Variants in SCAPER observed in about 807,000 individuals in gnomAD.
SCAPER encodes S phase cyclin A-associated protein in the endoplasmic reticulum.
SCAPER carries 98 observed loss-of-function variants against 182.2 expected under a neutral mutation model. The observed-to-expected ratio is 0.54, with a 90% CI of 0.46 to 0.64. The LOEUF is 0.64. Ranked by LOEUF, SCAPER falls within the 30% of genes least tolerant of loss-of-function variation. The pLI is 0.00. For synonymous variants in SCAPER, 605 were observed against 564.6 expected (o/e 1.07, Z -1.01); for missense variants, 1,432 against 1,690.0 (o/e 0.85, Z 2.68).
chr15:76,758,107 G>A lies in SCAPER; in HGVS notation c.1726-4159C>T, dbSNP rs190329003. On this transcript the variant is annotated intron_variant, in intron 14 of 31. Transcript: ENST00000563290. ...GGTTTTTAATTTGATATAATTCCAC[G>A]TGTCTAATTTTGCTTTTGTTGACTG... Among the ~76,000 whole-genome samples the A allele has an allele frequency of 3.5e-3, 527 of 151,250 alleles. 5 individuals are homozygous for A. The highest frequency in any genetic ancestry group is 0.012 in the African/African-American group (484 of 41,196).
intron 4 of SCAPER, chr15:76,855,914 T>C (rs1023526576): frequency 9.9e-6 from 4 of 405,952 alleles, no homozygotes; most frequent in African/African-American, 6.1e-5. Context: ...GCAATCCCAT[T>C]ACTGGGTATA....
chr15:76,659,856 C>A lies in SCAPER; in HGVS notation c.2645+5797G>T, dbSNP rs2055983217. 1.3e-5 allele frequency among the ~76,000 whole-genome samples: 2 copies of A among 152,110 alleles called. 1 individual carries two copies. The highest frequency in any genetic ancestry group is 4.1e-4 in the South Asian group (2 of 4,832). ...CAGTCTGTAGATTTCTCAAAGAACACAGAACAACCATTTGACCCAGCAATT... is the reference window on the plus strand; with the variant it reads ...CAGTCTGTAGATTTCTCAAAGAACAAAGAACAACCATTTGACCCAGCAATT... On this transcript the variant is annotated intron_variant, in intron 21 of 31. Transcript: ENST00000563290.
chr15:76,683,871 A>G, intron 20 of SCAPER, among the ~76,000 whole-genome samples: 1 of 152,166 alleles, frequency 6.6e-6, no homozygotes, highest in Non-Finnish European at 1.5e-5. Context: ...AGGCTGAGGC[A>G]GGAGGACTGA....
rs546763177 is a variant in SCAPER at position 76,577,595 on chromosome 15, G to A, written c.2712-3311C>T. ...TGGATGGTATTTTTAGACATATCCTGGGCAAAAAGGGAATGGGCTACCTTA... is the reference window on the plus strand; with the variant it reads ...TGGATGGTATTTTTAGACATATCCTAGGCAAAAAGGGAATGGGCTACCTTA... On this transcript the variant is annotated intron_variant, in intron 22 of 31. Transcript: ENST00000563290. 7.5e-4 allele frequency among the ~76,000 whole-genome samples: 114 copies of A among 152,162 alleles called. 1 individual carries two copies. Among genetic ancestry groups the A allele is most frequent in the African/African-American group, 2.6e-3 (110 of 41,532 alleles).
intron 5 of SCAPER, among the ~76,000 whole-genome samples, chr15:76,819,819 G>A (rs2067380907): frequency 6.6e-6 from 1 of 152,034 alleles, no homozygotes; most frequent in Non-Finnish European, 1.5e-5. Flanking sequence ...TACAAAATGG[G>A]AGAAAATTTT....
At chr15:76,508,485 C>T (rs893513570) in intron 23 of SCAPER, among the ~76,000 whole-genome samples, 1 of 152,142 alleles carries the variant, frequency 6.6e-6, no homozygotes, top group South Asian at 2.1e-4. Flanking sequence ...TATGGCCAAA[C>T]AGCTTTCTAA....
In SCAPER at chr15:76,651,113, A is replaced by T. The variant is rs78307275; in HGVS notation, c.2645+14540T>A. Among the ~76,000 whole-genome samples the T allele has an allele frequency of 2.0e-3, 297 of 152,248 alleles. 3 individuals are homozygous for T. The highest frequency in any genetic ancestry group is 6.5e-3 in the African/African-American group (270 of 41,566). On this transcript the variant is annotated intron_variant, in intron 21 of 31. Coordinates refer to ENST00000563290, the MANE Select transcript of SCAPER (RefSeq NM_020843.4). ...GGCCACCTTAAGAAATCAGGGGAAA[A>T]GAAAATATAAATATGAAGTAAATAC...
chr15:76,738,869 C>T (rs62028724), intron 15 of SCAPER, among the ~76,000 whole-genome samples: 11,592 of 152,016 alleles, frequency 0.076, 498 homozygotes, highest in Middle Eastern at 0.11. Flanking sequence ...GAAGTGAGCA[C>T]GTGTTGTTGG....
At chr15:76,430,509 T>C (rs994630994) in intron 26 of SCAPER, among the ~76,000 whole-genome samples, 1 of 152,218 alleles carries the variant, frequency 6.6e-6, no homozygotes, top group Admixed American at 6.5e-5. Context: ...GTGACCTGGA[T>C]GTGAGACATG....
intron 23 of SCAPER, among the ~76,000 whole-genome samples, chr15:76,562,148 C>CAAAAAAAAAAAAAAAAAAAA (rs66722088): frequency 1.4e-5 from 1 of 74,054 alleles, no homozygotes; most frequent in Non-Finnish European, 2.5e-5. Context: ...AACTTCATCT[C>CAAAAAAAAAAAAAAAAAAAA]AAAAAAAAAA....
intron 24 of SCAPER, among the ~76,000 whole-genome samples, chr15:76,480,168 GGA>G (rs1315321383): frequency 6.6e-6 from 1 of 152,142 alleles, no homozygotes; most frequent in African/African-American, 2.4e-5. Flanking sequence ...GTTAGGAAAG[GGA>G]GAGACAAATG....
intron 26 of SCAPER, among the ~76,000 whole-genome samples, chr15:76,431,629 T>C (rs749125888): frequency 5.1e-5 from 7 of 136,854 alleles, no homozygotes; most frequent in Non-Finnish European, 9.1e-5. Context: ...AGACTTCTTG[T>C]CAGTTCATAT....
chr15:76,777,686 C>T (rs916785753), intron 8 of SCAPER, among the ~76,000 whole-genome samples: 9 of 152,044 alleles, frequency 5.9e-5, no homozygotes, highest in African/African-American at 2.2e-4. Context: ...AAGAGCAAAA[C>T]TCCATCTCAA....
intron 28 of SCAPER, among the ~76,000 whole-genome samples, chr15:76,378,202 C>T (rs1331056596): frequency 6.6e-6 from 1 of 152,174 alleles, no homozygotes; most frequent in Non-Finnish European, 1.5e-5. Flanking sequence ...GAACCCAAAT[C>T]ATCAACATGT....
Position 76,621,827 on chromosome 15 carries a change from G to A in SCAPER, c.2648C>T (p.Ala883Val), listed in dbSNP as rs780566179. ...TTCCATTAAACTCTCATATTCCTTA[G>A]CCCTGAAGAGAAAAAAAGTTTTAAC... ...KKIKARMNFR[A>V]KEYESLMETK... The change falls in exon 22 of 32, where the codon GCT (alanine) becomes GTT (valine). Residue 883 changes from alanine to valine, a missense_variant and splice_region_variant. By Grantham distance (64) the Ala-to-Val change is moderately conservative. This residue lies in a region of SCAPER where 718 missense variants were observed against 799.7 expected (regional missense o/e 0.90). Transcript: ENST00000563290. 1 of 1,599,540 alleles carries A rather than the reference G, an allele frequency of 6.3e-7. No individual in the cohort carries two copies. Among genetic ancestry groups the A allele is most frequent in the Non-Finnish European group, 8.5e-7 (1 of 1,172,956 alleles).
chr15:76,409,254 T>C (rs1228671104), intron 26 of SCAPER, among the ~76,000 whole-genome samples: 2 of 152,176 alleles, frequency 1.3e-5, no homozygotes, highest in African/African-American at 4.8e-5. Context: ...ATCTTTTGCA[T>C]TGTAACTGTT....
chr15:76,827,986 A>T (rs2068148119), intron 5 of SCAPER, among the ~76,000 whole-genome samples: 1 of 152,050 alleles, frequency 6.6e-6, no homozygotes, highest in South Asian at 2.1e-4. Flanking sequence ...CTCTCATGAA[A>T]GGTTTAATGG....
At chr15:76,721,275 A>G (rs1338119736) in intron 17 of SCAPER, among the ~76,000 whole-genome samples, 1 of 151,996 alleles carries the variant, frequency 6.6e-6, no homozygotes, top group African/African-American at 2.4e-5. Context: ...GTTCTGTTCC[A>G]TTGGTCTATA....
chr15:76,550,549 A>G (rs2045673809), intron 23 of SCAPER, among the ~76,000 whole-genome samples: 1 of 152,164 alleles, frequency 6.6e-6, no homozygotes, highest in Non-Finnish European at 1.5e-5. Context: ...GCTGCATAGT[A>G]TTCCATGGTG....
Sources: gnomAD v4.1 joint callset for allele counts (sites outside exome capture counted in the v4.1 genomes callset) on GRCh38, gnomAD v4.1.1 for gene constraint, gnomAD v4.1.1 regional missense constraint, MANE v1.5 for transcripts, NCBI Gene and HGNC (gene_info 2026-07-23, HGNC 2026-07-21) for gene names.